The following ANKFY1 variants were observed in gnomAD, a reference collection of about 807,000 sequenced individuals.
ANKFY1 encodes the protein ankyrin repeat and FYVE domain containing 1, also known as ankyrin repeat and FYVE domain-containing protein 1.
In ANKFY1, 47 loss-of-function variants were observed where a neutral mutation model predicts 128.3. The ratio of observed to expected loss-of-function variants is 0.37; its 90% CI spans 0.29 to 0.47. The LOEUF (loss-of-function observed/expected upper bound fraction) is 0.47, where lower values mean the gene tolerates loss of function less well. ANKFY1 is among the 20% of genes least tolerant of loss of function. The pLI is 1.00. For missense variants in ANKFY1, 1,222 were observed against 1,510.6 expected, an observed-to-expected ratio of 0.81 and a Z score of 3.17; for synonymous variants, 553 against 601.6, an observed-to-expected ratio of 0.92 and a Z score of 1.18.
intron 8 of ANKFY1, among the ~76,000 whole-genome samples, chr17:4,196,645 G>A (rs898859097): frequency 1.3e-5 from 2 of 152,214 alleles, no homozygotes; most frequent in Admixed American, 6.5e-5. Flanking sequence ...CAGATAAAGT[G>A]GGAGTGTTTA....
chr17:4,223,601 C>T (rs2060365668), intron 3 of ANKFY1: 1 of 1,319,796 alleles, frequency 7.6e-7, no homozygotes, highest in Non-Finnish European at 1.1e-6. Context: ...TGGAGTGATG[C>T]TGTGGGAACT....
At chr17:4,190,438 C>A (rs1234659462) in intron 10 of ANKFY1, among the ~76,000 whole-genome samples, 1 of 150,618 alleles carries the variant, frequency 6.6e-6, no homozygotes, top group Non-Finnish European at 1.5e-5. Context: ...AAGACTCTGT[C>A]TCAAAGAAAA....
rs1362536680 is a variant in ANKFY1, at chr17:4,178,742, CT to C, written c.2598+114del. 3.8e-6 allele frequency: 4 copies of C among 1,060,558 alleles called. No homozygotes were observed. The African/African-American group carries it at 6.3e-5, about 17-fold the overall frequency. 65.7% of individuals were successfully genotyped at this position (1,060,558 alleles called of 1,614,324 possible). On this transcript the variant is annotated intron_variant, in intron 18 of 24. Transcript: ENST00000341657. The surrounding 1 kb of genome is among the most constrained non-coding windows in gnomAD (Gnocchi z 4.1). ...GCCACATCTTAGGACAGGAGTACAA[CT>C]TCAAAACAAAGCTCTTTCCATGAGG...
At chr17:4,210,749 AATGTGTATGAT>A (rs1282532285) in intron 4 of ANKFY1, among the ~76,000 whole-genome samples, 1 of 149,370 alleles carries the variant, frequency 6.7e-6, no homozygotes, top group Non-Finnish European at 1.5e-5. Flanking sequence ...CTATAAGATG[AATGTGTATGAT>A]ATGTGAATTA....
intron 20 of ANKFY1, 38 bp downstream of exon 20, chr17:4,173,871 G>A (rs776245160): frequency 6.3e-7 from 1 of 1,593,954 alleles, no homozygotes; most frequent in East Asian, 2.2e-5. Context: ...CTAGAATGGA[G>A]GGATCGTTCA....
At chr17:4,222,650 G>C in intron 3 of ANKFY1, 1 of 945,090 alleles carries the variant, frequency 1.1e-6, no homozygotes, top group South Asian at 1.3e-5. Flanking sequence ...TTTAAACCAA[G>C]GAAAATGTGC....
intron 3 of ANKFY1, among the ~76,000 whole-genome samples, chr17:4,234,824 T>G (rs1966863765): frequency 6.6e-6 from 1 of 152,160 alleles, no homozygotes; most frequent in Non-Finnish European, 1.5e-5. Flanking sequence ...ATTCTTTTTT[T>G]AAAAACAAAT....
intron 22 of ANKFY1, among the ~76,000 whole-genome samples, chr17:4,171,623 G>C (rs1211287673): frequency 6.6e-6 from 1 of 152,140 alleles, no homozygotes; most frequent in Non-Finnish European, 1.5e-5. Flanking sequence ...CCTCAACACG[G>C]AGCCCCTCCC....
chr17:4,169,041 G>T lies in ANKFY1; in HGVS notation c.3377+157C>A. 1.6e-6 allele frequency: 1 copy of T among 643,460 alleles called. No homozygotes were observed. Among genetic ancestry groups the T allele is most frequent in the Non-Finnish European group, 2.7e-6 (1 of 365,038 alleles). The allele number at this position is 643,460 out of a possible 1,614,324, so 39.9% of individuals were successfully genotyped here. A position where few individuals can be genotyped will look rare whatever the true frequency, so the allele number is the denominator to read the frequency against. On this transcript the variant is annotated intron_variant, in intron 24 of 24. Coordinates refer to ENST00000341657, the MANE Select transcript of ANKFY1 (RefSeq NM_001330063.2). This position sits in a 1 kb window ranked among gnomAD's most constrained non-coding sequence, Gnocchi z 5.0. ...TCCCTACATCTCTGTTCCTCAGTAG[G>T]ATCCTTGGGTGTGCTCATCTCATCC...
At position 4,167,992 on chromosome 17, in the gene ANKFY1, G is replaced by T; in HGVS notation, c.3378-81C>A. On this transcript the variant is annotated intron_variant, in intron 24 of 24. Transcript: ENST00000341657. This position sits in a 1 kb window ranked among gnomAD's most constrained non-coding sequence, Gnocchi z 4.1. ...CTGGCACGTGAGGACAACCGCAGCA[G>T]GGCCTGGCAGCCAAGGCGCCCGCAA... 6.7e-7 allele frequency: 1 copy of T among 1,491,540 alleles called. No individual in the cohort carries two copies. The highest frequency in any genetic ancestry group is 9.0e-7 in the Non-Finnish European group (1 of 1,108,738). The allele number at this position is 1,491,540 out of a possible 1,614,324, so 92.4% of individuals were successfully genotyped here.
intron 1 of ANKFY1, among the ~76,000 whole-genome samples, chr17:4,261,251 G>T (rs1428590330): frequency 1.3e-5 from 2 of 152,216 alleles, no homozygotes; most frequent in Non-Finnish European, 2.9e-5. Context: ...CACTTTGGGA[G>T]GCCGAGGCCG....
At chr17:4,184,685 C>G in intron 12 of ANKFY1, 133 bp downstream of exon 12, 1 of 974,000 alleles carries the variant, frequency 1.0e-6, no homozygotes, top group Non-Finnish European at 1.6e-6. Flanking sequence ...CTAGTTTGAC[C>G]TGAAAGGATT....
intron 3 of ANKFY1, among the ~76,000 whole-genome samples, chr17:4,226,399 C>T (rs556132607): frequency 6.6e-6 from 1 of 151,992 alleles, no homozygotes; most frequent in Admixed American, 6.6e-5. Flanking sequence ...TGGTGGCATG[C>T]GCTTATAGTC....
Position 4,177,354 on chromosome 17 carries a change from C to CT in ANKFY1, c.2599-53dup, listed in dbSNP as rs774844630. 4.6e-5 allele frequency: 69 copies of CT among 1,496,998 alleles called. No individual in the cohort carries two copies. The African/African-American group carries it at 6.0e-4, about 13-fold the overall frequency. The allele number at this position is 1,496,998 out of a possible 1,614,324, so 92.7% of individuals were successfully genotyped here. ...ATTAGTTCCCTTTTCAGAGTACCTC[C>CT]TGAGCTTCATCTGCAAGCTGAACTG... On this transcript the variant is annotated intron_variant, in intron 18 of 24. Transcript: ENST00000341657.
rs1027946989 is a variant in ANKFY1 at position 4,167,099 on chromosome 17, A to G, written c.*680T>C. ...ATGAGACGGCTGCTACGAGGTGTCA[A>G]GCGGCCCAGCTGCACTCCTGACACC... On this transcript the variant is annotated 3_prime_UTR_variant, in exon 25 of 25. Coordinates refer to ENST00000341657, the MANE Select transcript of ANKFY1 (RefSeq NM_001330063.2). This position sits in a 1 kb window ranked among gnomAD's most constrained non-coding sequence, Gnocchi z 4.1. 3 of 152,656 alleles carry G rather than the reference A, an allele frequency of 2.0e-5. No homozygotes were observed. Among genetic ancestry groups the G allele is most frequent in the African/African-American group, 7.2e-5 (3 of 41,458 alleles). 9.5% of individuals were successfully genotyped at this position (152,656 alleles called of 1,614,324 possible). A position where few individuals can be genotyped will look rare whatever the true frequency, so the allele number is the denominator to read the frequency against.
At chr17:4,241,187 T>A in intron 2 of ANKFY1, among the ~76,000 whole-genome samples, 1 of 151,988 alleles carries the variant, frequency 6.6e-6, no homozygotes, top group African/African-American at 2.4e-5. Context: ...AGTAACTTCA[T>A]TTGATAGATC....
chr17:4,210,254 T>G (rs1280067207), intron 4 of ANKFY1, among the ~76,000 whole-genome samples: 1 of 152,184 alleles, frequency 6.6e-6, no homozygotes, highest in Non-Finnish European at 1.5e-5. Context: ...CACAGACAGG[T>G]AATTGTCGAA....
chr17:4,256,238 C>T (rs1287651871), intron 1 of ANKFY1, among the ~76,000 whole-genome samples: 1 of 152,030 alleles, frequency 6.6e-6, no homozygotes, highest in Non-Finnish European at 1.5e-5. Context: ...ACCATCCTGG[C>T]TAACAGAGTG....
At chr17:4,172,891 G>A (rs1013644105) in intron 21 of ANKFY1, among the ~76,000 whole-genome samples, 4 of 152,184 alleles carry the variant, frequency 2.6e-5, no homozygotes, top group Admixed American at 1.3e-4. Context: ...ACGGAGTCTC[G>A]CTCTGTCACC....
Sources: gnomAD v4.1 joint callset for allele counts (sites outside exome capture counted in the v4.1 genomes callset) on GRCh38, gnomAD v4.1.1 for gene constraint, Gnocchi (gnomAD v3.1) non-coding constraint, MANE v1.5 for transcripts, NCBI Gene and HGNC (gene_info 2026-07-23, HGNC 2026-07-21) for gene names.